SORCS1: variants seen among roughly 807,000 people sequenced by gnomAD.
The protein encoded by SORCS1 is VPS10 domain-containing receptor SorCS1.
In SORCS1, 60 loss-of-function variants were observed where a neutral mutation model predicts 146.1. That is an observed-to-expected ratio of 0.41 (90% CI 0.33 to 0.51). The LOEUF is 0.51. SORCS1 is among the 20% of genes least tolerant of loss of function. The probability of loss-of-function intolerance (pLI) is 0.21; values close to 1 mark genes in which losing one functional copy is unlikely to be tolerated. For missense variants in SORCS1, 1,352 were observed against 1,487.6 expected (o/e 0.91, Z 1.50); for synonymous variants, 637 against 584.0 (o/e 1.09, Z -1.31).
chr10:106,718,689 C>T (rs1485781049), intron 6 of SORCS1, among the ~76,000 whole-genome samples: 3 of 152,214 alleles, frequency 2.0e-5, no homozygotes, highest in Non-Finnish European at 1.5e-5. Flanking sequence ...GCCCTGCCCA[C>T]GTCCTGCTGA....
chr10:106,928,825 A>G (rs114500381), intron 2 of SORCS1, among the ~76,000 whole-genome samples: 39 of 151,650 alleles, frequency 2.6e-4, no homozygotes, highest in Admixed American at 5.2e-4. Context: ...CTGACCACCT[A>G]CCCCCAATAC....
At chr10:106,589,435 C>A (rs1224858665) in intron 24 of SORCS1, among the ~76,000 whole-genome samples, 1 of 152,154 alleles carries the variant, frequency 6.6e-6, no homozygotes, top group Non-Finnish European at 1.5e-5. Context: ...CTCATGAGAA[C>A]AAAGATACAG....
At chr10:106,821,273 G>A (rs989421916) in intron 3 of SORCS1, among the ~76,000 whole-genome samples, 1 of 152,076 alleles carries the variant, frequency 6.6e-6, no homozygotes, top group Non-Finnish European at 1.5e-5. Flanking sequence ...AATTTCATTT[G>A]TTAAAAAGGT....
At chr10:106,721,991 G>T (rs7893440) in intron 6 of SORCS1, among the ~76,000 whole-genome samples, 78,481 of 151,826 alleles carry the variant, frequency 0.52, 21,298 homozygotes, top group African/African-American at 0.7. Flanking sequence ...ATATTTGTAT[G>T]CACAAACACT....
intron 18 of SORCS1, 76 bp from the exon 19 acceptor site, chr10:106,629,464 T>C: frequency 1.4e-6 from 2 of 1,470,866 alleles, no homozygotes; most frequent in Non-Finnish European, 1.9e-6. Context: ...GGACTACGGC[T>C]TGTCCTAGTC....
chr10:106,784,082 T>C (rs990226328), intron 3 of SORCS1, among the ~76,000 whole-genome samples: 2 of 152,092 alleles, frequency 1.3e-5, no homozygotes, highest in Admixed American at 6.5e-5. Flanking sequence ...ATGCTTAGCA[T>C]TGGGTCATCT....
chr10:106,853,789 G>C (rs1457236592), intron 2 of SORCS1, among the ~76,000 whole-genome samples: 1 of 151,780 alleles, frequency 6.6e-6, no homozygotes, highest in Non-Finnish European at 1.5e-5. Flanking sequence ...TTGATTTCCA[G>C]TTTAATTTCA....
rs564806041 is a variant in SORCS1 at position 106,977,413 on chromosome 10, G to A, written c.559-20833C>T. Among the ~76,000 whole-genome samples the A allele has an allele frequency of 2.0e-5, 3 of 152,134 alleles. No homozygotes were observed. The East Asian group carries it at 5.8e-4, about 29-fold the overall frequency. ...TCTTGTAAATTTGTTTAAGTTCCTT[G>A]TAGATTCTGGATATTAGAATTTTGT... On this transcript the variant is annotated intron_variant, in intron 1 of 25. Coordinates refer to ENST00000263054, the MANE Select transcript of SORCS1 (RefSeq NM_052918.5).
At chr10:107,180,220 C>A in the SORCS1 span, among the ~76,000 whole-genome samples, 1 of 152,058 alleles carries the variant, frequency 6.6e-6, no homozygotes, top group Non-Finnish European at 1.5e-5. Flanking sequence ...CTGGCTTGAA[C>A]AAACATCTTC....
At chr10:107,161,570 C>T (rs1969705515) in intron 1 of SORCS1, among the ~76,000 whole-genome samples, 1 of 152,200 alleles carries the variant, frequency 6.6e-6, no homozygotes, top group Non-Finnish European at 1.5e-5. Context: ...ACCGGCATAG[C>T]CCCCACTTTA....
At chr10:106,666,723 A>ATTTT (rs540831679) in intron 17 of SORCS1, among the ~76,000 whole-genome samples, 1 of 142,288 alleles carries the variant, frequency 7.0e-6, no homozygotes, top group Non-Finnish European at 1.5e-5. Context: ...TGTGCAGTTA[A>ATTTT]TTTTTTTTTT....
At chr10:106,884,729 C>A (rs1176209736) in intron 2 of SORCS1, among the ~76,000 whole-genome samples, 2 of 151,914 alleles carry the variant, frequency 1.3e-5, no homozygotes, top group Non-Finnish European at 2.9e-5. Flanking sequence ...TGCCACCCTG[C>A]CCAAAAAAAA....
intron 5 of SORCS1, among the ~76,000 whole-genome samples, chr10:106,745,975 A>T (rs1358434638): frequency 6.6e-6 from 1 of 152,222 alleles, no homozygotes; most frequent in Non-Finnish European, 1.5e-5. Flanking sequence ...AGAAAATATC[A>T]GACTAACTAA....
intron 1 of SORCS1, among the ~76,000 whole-genome samples, chr10:107,038,816 C>T (rs1184584065): frequency 6.6e-6 from 1 of 152,026 alleles, no homozygotes. Flanking sequence ...TTTTTGGAGA[C>T]TAACAGAAAA....
intron 4 of SORCS1, among the ~76,000 whole-genome samples, chr10:106,770,866 T>C (rs931148512): frequency 8.5e-5 from 13 of 152,188 alleles, no homozygotes; most frequent in Non-Finnish European, 1.5e-4. Flanking sequence ...GTTGTACTTC[T>C]TGCCTGTTTG....
chr10:107,119,642 A>G (rs1238285322), intron 1 of SORCS1, among the ~76,000 whole-genome samples: 1 of 152,186 alleles, frequency 6.6e-6, no homozygotes, highest in Non-Finnish European at 1.5e-5. Context: ...TTCATTTATT[A>G]TTAGAAGCCT....
intron 1 of SORCS1, among the ~76,000 whole-genome samples, chr10:106,957,717 G>A (rs1439000051): frequency 1.3e-5 from 2 of 152,146 alleles, no homozygotes; most frequent in Non-Finnish European, 2.9e-5. Context: ...TCTCAGGAAA[G>A]AAGCCGTAGA....
intron 1 of SORCS1, among the ~76,000 whole-genome samples, chr10:107,055,778 G>C (rs1960564565): frequency 1.3e-5 from 2 of 151,986 alleles, no homozygotes; most frequent in Admixed American, 1.3e-4. Flanking sequence ...ATAGAGACGA[G>C]ATCAGGATAT....
chr10:107,055,388 C>T (rs535120738), intron 1 of SORCS1, among the ~76,000 whole-genome samples: 1 of 152,314 alleles, frequency 6.6e-6, no homozygotes, highest in East Asian at 1.9e-4. Context: ...ACAGGCAGGA[C>T]TTAATACATG....
Sources: allele counts gnomAD v4.1 joint callset (sites outside exome capture counted in the v4.1 genomes callset), GRCh38; gene constraint gnomAD v4.1.1; transcripts MANE v1.5; gene names NCBI Gene and HGNC (gene_info 2026-07-23, HGNC 2026-07-21).